Variants in AKNA observed in about 807,000 individuals in gnomAD.
AKNA encodes the protein AT-hook transcription factor.
A neutral mutation model predicts 138.8 loss-of-function variants in AKNA; 67 were observed. The ratio of observed to expected loss-of-function variants is 0.48; its 90% CI spans 0.40 to 0.59. The LOEUF is 0.59. AKNA is among the 20% of genes least tolerant of loss of function. The pLI, the probability that AKNA is intolerant of heterozygous loss-of-function variation, is 0.00. For missense variants in AKNA, 1,813 were observed against 1,880.4 expected (o/e 0.96, Z 0.66); for synonymous variants, 737 against 754.4 (o/e 0.98, Z 0.38).
In AKNA at chr9:114,336,948, G is replaced by A; in HGVS notation, c.*106C>T. On this transcript the variant is annotated 3_prime_UTR_variant, in exon 22 of 22. Coordinates refer to ENST00000374088, the MANE Select transcript of AKNA (RefSeq NM_001317950.2). ...TGTGCTGGAGGGAGACCCTCCTGGT[G>A]AGGAACTATGCGGGCCTTCTGGGCC... 1 of 1,360,784 alleles carries A rather than the reference G, an allele frequency of 7.3e-7. No homozygotes were observed. Among genetic ancestry groups the A allele is most frequent in the Non-Finnish European group, 9.6e-7 (1 of 1,036,308 alleles). 84.3% of individuals were successfully genotyped at this position (1,360,784 alleles called of 1,614,324 possible). A position where few individuals can be genotyped will look rare whatever the true frequency, so the allele number is the denominator to read the frequency against.
At chr9:114,353,549 C>A (rs1831282478) in intron 14 of AKNA, among the ~76,000 whole-genome samples, 1 of 152,224 alleles carries the variant, frequency 6.6e-6, no homozygotes, top group Admixed American at 6.5e-5. Context: ...CAGGCGTGAG[C>A]CACCGTGCCC....
chr9:114,348,094 ATGTCCC>A (rs1830826445), intron 15 of AKNA, among the ~76,000 whole-genome samples, 194 bp from the exon 16 acceptor site: 1 of 152,302 alleles, frequency 6.6e-6, no homozygotes, highest in African/African-American at 2.4e-5. Context: ...TTCTGAGTTC[ATGTCCC>A]TGTGCAGTGA....
chr9:114,351,101 G>C (rs1831089266), intron 14 of AKNA, 80 bp from the exon 15 acceptor site: 2 of 1,436,936 alleles, frequency 1.4e-6, no homozygotes, highest in East Asian at 4.8e-5. Flanking sequence ...GTGGAATGAT[G>C]GGGGAAGTGA....
chr9:114,330,715 C>G, downstream of AKNA: 1 of 1,598,950 alleles, frequency 6.3e-7, no homozygotes, highest in Non-Finnish European at 8.6e-7. Flanking sequence ...GACTCTTGCC[C>G]CGGGACTGTG....
chr9:114,364,593 C>G lies in AKNA; in HGVS notation c.1755G>C (p.Gln585His). 1.9e-6 allele frequency: 3 copies of G among 1,613,962 alleles called. No homozygotes were observed. In the African/African-American group the frequency reaches 4.0e-5, roughly 22 times the overall value. ...GGTCCTGGGGCATGAGACGTCCTGCCTGTATCAGTCTTTCAAAGGACTCCA... is the reference window on the plus strand; with the variant it reads ...GGTCCTGGGGCATGAGACGTCCTGCGTGTATCAGTCTTTCAAAGGACTCCA... The part of the protein sequence containing the change: ...AKVESFERLI[Q>H]AGRLMPQDQV... Residue 585 changes from glutamine to histidine, a missense_variant, in exon 7 of 22, where the codon CAG becomes CAC. Transcript: ENST00000374088.
At chr9:114,332,518 T>C (rs909490681), downstream of AKNA, among the ~76,000 whole-genome samples, 4 of 152,152 alleles carry the variant, frequency 2.6e-5, no homozygotes, top group African/African-American at 9.7e-5. Context: ...TTTTAAAATA[T>C]ATACATGCAG....
At chr9:114,358,674 A>G (rs777377618) in intron 11 of AKNA, among the ~76,000 whole-genome samples, 15 of 152,022 alleles carry the variant, frequency 9.9e-5, no homozygotes, top group Non-Finnish European at 1.8e-4. Flanking sequence ...CTCTTTTTCC[A>G]CAGAAGTTCA....
chr9:114,389,133 G>C (rs1834233887), upstream of AKNA, among the ~76,000 whole-genome samples: 1 of 152,202 alleles, frequency 6.6e-6, no homozygotes, highest in Admixed American at 6.5e-5. Context: ...TTGGGGCAGA[G>C]TGTTCTGGGA....
Position 114,337,203 on chromosome 9 carries a change from C to T in AKNA, c.4171G>A (p.Asp1391Asn), listed in dbSNP as rs375161600. 74 of 1,593,268 alleles carry T rather than the reference C, an allele frequency of 4.6e-5. No individual in the cohort carries two copies. The East Asian group carries it at 1.1e-3, about 23-fold the overall frequency. ...TTGAGCTCCTCTAGGTCGCCCAGGT[C>T]GAGCTGGATGGAGTGCCGGTGTCTC... ...ARRHRHSIQL[D>N]LGDLEELNKA... Residue 1391 changes from aspartate to asparagine, a missense_variant, in exon 22 of 22, where the codon GAC becomes AAC. Physicochemically the swap from Asp to Asn is conservative, Grantham distance 23 (BLOSUM62 1). Transcript: ENST00000374088.
chr9:114,354,486 G>A (rs1434717447), intron 14 of AKNA, among the ~76,000 whole-genome samples: 1 of 152,166 alleles, frequency 6.6e-6, no homozygotes, highest in African/African-American at 2.4e-5. Context: ...GGCTGAGGAG[G>A]GCGGATCACG....
At position 114,362,552 on chromosome 9, in the gene AKNA, AG is replaced by A. The variant is rs781070442; in HGVS notation, c.1789-20del. 2 of 1,611,012 alleles carry A rather than the reference AG, an allele frequency of 1.2e-6. No homozygotes were observed. The highest frequency in any genetic ancestry group is 1.7e-5 in the Admixed American group (1 of 59,786). ...GGAAGCCCTGAAACCAGACCAGGCC[AG>A]GAAGACTTGAGTGCTCAGTCCCCGC... On this transcript the variant is annotated intron_variant, in intron 7 of 21. Transcript: ENST00000374088.
In AKNA at chr9:114,361,076, C is replaced by T. The variant is rs564454823; in HGVS notation, c.2124+628G>A. Among the ~76,000 whole-genome samples the T allele has an allele frequency of 2.0e-3, 300 of 152,306 alleles. 1 individual carries two copies. Among genetic ancestry groups the T allele is most frequent in the Non-Finnish European group, 2.8e-3 (188 of 68,028 alleles). The stretch of plus-strand genomic sequence containing the variant: ...TGCCACCTCCCCAGCCTCAGACTGG[C>T]CTACCCACAAGTCATCTTATGTCAT... On this transcript the variant is annotated intron_variant, in intron 9 of 21. Coordinates refer to ENST00000374088, the MANE Select transcript of AKNA (RefSeq NM_001317950.2).
chr9:114,352,135 T>C (rs773164353), intron 14 of AKNA, among the ~76,000 whole-genome samples: 2 of 152,032 alleles, frequency 1.3e-5, no homozygotes, highest in Non-Finnish European at 2.9e-5. Flanking sequence ...CTCCTTGTGG[T>C]GATGGAACGT....
chr9:114,360,199 T>C (rs772343410), intron 9 of AKNA, 137 bp from the exon 10 acceptor site: 4 of 999,348 alleles, frequency 4.0e-6, no homozygotes, highest in Non-Finnish European at 6.0e-6. Context: ...ACCACCCTTT[T>C]ATGTATGTGT....
At position 114,377,215 on chromosome 9, in the gene AKNA, C is replaced by T. The variant is rs1197291675; in HGVS notation, c.592G>A (p.Ala198Thr). ...EVNPSVELSPARSWSSGTVSL... is the reference protein window; with the variant it reads ...EVNPSVELSPTRSWSSGTVSL... Reference sequence around the variant, plus strand: ...ACTGTCCCACTGCTCCAGGACCTTGCCGGGCTGAGTTCAACGGATGGGTTG... The same window carrying T: ...ACTGTCCCACTGCTCCAGGACCTTGTCGGGCTGAGTTCAACGGATGGGTTG... Residue 198 changes from alanine (A) to threonine (T), a missense_variant, in exon 3 of 22, where the codon GCA becomes ACA. Coordinates refer to ENST00000374088, the MANE Select transcript of AKNA (RefSeq NM_001317950.2). 8 of 1,614,062 alleles carry T rather than the reference C, an allele frequency of 5.0e-6. No homozygotes were observed. The African/African-American group carries it at 5.3e-5, about 11-fold the overall frequency.
At chr9:114,387,010 G>C (rs948785912) in intron 1 of AKNA, among the ~76,000 whole-genome samples, 1 of 152,068 alleles carries the variant, frequency 6.6e-6, no homozygotes, top group Admixed American at 6.5e-5. Context: ...GAGGCACAGA[G>C]ACATGGCCTG....
chr9:114,330,935 G>A (rs1025425783), downstream of AKNA: 898 of 1,265,512 alleles, frequency 7.1e-4, 7 homozygotes, highest in Non-Finnish European at 4.5e-4. Flanking sequence ...GGGGCTGGAT[G>A]TAGAGCCCTG....
intron 3 of AKNA, 49 bp from the exon 4 acceptor site, chr9:114,374,216 C>T: frequency 1.3e-6 from 2 of 1,527,580 alleles, no homozygotes; most frequent in Non-Finnish European, 1.8e-6. Context: ...ACACAATGAA[C>T]CCCTCCTTGC....
chr9:114,352,776 C>G (rs1156610856), intron 14 of AKNA, among the ~76,000 whole-genome samples: 1 of 152,074 alleles, frequency 6.6e-6, no homozygotes, highest in Non-Finnish European at 1.5e-5. Flanking sequence ...CAAAAATTAG[C>G]CAGGCGTGGT....
Sources: gnomAD v4.1 joint callset for allele counts (sites outside exome capture counted in the v4.1 genomes callset) on GRCh38, gnomAD v4.1.1 for gene constraint, MANE v1.5 for transcripts, NCBI Gene and HGNC (gene_info 2026-07-23, HGNC 2026-07-21) for gene names.